Variants in GRID2 observed in about 807,000 individuals in gnomAD.
The protein encoded by GRID2 is glutamate ionotropic receptor delta type subunit 2, also known as glutamate receptor ionotropic, delta-2.
GRID2 carries 33 observed loss-of-function variants against 114.8 expected under a neutral mutation model. The ratio of observed to expected loss-of-function variants is 0.29; its 90% CI spans 0.22 to 0.38. The LOEUF is 0.38. Among genes scored for constraint, GRID2 ranks in the 10% least tolerant of loss-of-function variants. The probability of loss-of-function intolerance (pLI) is 1.00; values close to 1 mark genes in which losing one functional copy is unlikely to be tolerated. For synonymous variants in GRID2, 505 were observed against 449.9 expected (o/e 1.12, Z -1.55); for missense variants, 1,184 against 1,257.7 (o/e 0.94, Z 0.89).
At chr4:92,707,210 A>T (rs1051515036) in intron 2 of GRID2, among the ~76,000 whole-genome samples, 1 of 152,176 alleles carries the variant, frequency 6.6e-6, no homozygotes, top group African/African-American at 2.4e-5. Flanking sequence ...GAAATTTGAA[A>T]TTATTGATTT....
At chr4:93,271,783 C>T (rs559442454) in intron 8 of GRID2, among the ~76,000 whole-genome samples, 24 of 151,830 alleles carry the variant, frequency 1.6e-4, no homozygotes, top group African/African-American at 5.3e-4. Context: ...TTTTATTGTA[C>T]TTTATGAATG....
intron 2 of GRID2, among the ~76,000 whole-genome samples, chr4:92,900,059 T>C (rs2149479224): frequency 6.6e-6 from 1 of 151,992 alleles, no homozygotes; most frequent in African/African-American, 2.4e-5. Flanking sequence ...GGGTAAATAG[T>C]GAAAATAGCA....
At chr4:93,132,895 A>G (rs773232834) in intron 4 of GRID2, among the ~76,000 whole-genome samples, 1 of 152,192 alleles carries the variant, frequency 6.6e-6, no homozygotes, top group Non-Finnish European at 1.5e-5. Flanking sequence ...TGGAACGCTT[A>G]CTTTTTAAAA....
chr4:93,311,065 G>A (rs888192443), intron 8 of GRID2, among the ~76,000 whole-genome samples: 1 of 152,134 alleles, frequency 6.6e-6, no homozygotes, highest in Non-Finnish European at 1.5e-5. Context: ...TTATCATAAA[G>A]ATCTGGAGAT....
At position 93,781,556 on chromosome 4, in the gene GRID2, G is replaced by A. The variant is rs180881391; in HGVS notation, c.221+12106G>A. Among the ~76,000 whole-genome samples, 52 of 152,228 alleles carry A rather than the reference G, an allele frequency of 3.4e-4. 1 individual carries two copies. The highest frequency in any genetic ancestry group is 1.1e-3 in the African/African-American group (44 of 41,538). On this transcript the variant is annotated intron_variant, in intron 1 of 1. Transcript: ENST00000637838. ...TTCCCTCAGTGTCAGTCGGGGGTTG[G>A]TTCCAGGACCCCCCTCAGATACCAG...
chr4:93,175,438 T>A (rs1013955777), intron 4 of GRID2, among the ~76,000 whole-genome samples: 5 of 152,104 alleles, frequency 3.3e-5, no homozygotes, highest in Non-Finnish European at 7.4e-5. Context: ...TCCAAAGTGC[T>A]GGGATTACAG....
chr4:92,847,575 A>T (rs1482229472), intron 2 of GRID2, among the ~76,000 whole-genome samples: 2 of 152,054 alleles, frequency 1.3e-5, no homozygotes, highest in South Asian at 4.1e-4. Flanking sequence ...TTGATAACAT[A>T]AAGAGATGTC....
intron 2 of GRID2, among the ~76,000 whole-genome samples, chr4:92,948,795 C>T (rs576447802): frequency 1.8e-4 from 28 of 152,032 alleles, no homozygotes; most frequent in African/African-American, 6.3e-4. Context: ...TCTCTGAGAA[C>T]ACAGAGATAT....
chr4:93,200,393 C>T (rs1741949245), intron 4 of GRID2, among the ~76,000 whole-genome samples: 1 of 151,850 alleles, frequency 6.6e-6, no homozygotes, highest in Non-Finnish European at 1.5e-5. Flanking sequence ...GGTGAAACCC[C>T]GTCTCTACTA....
intron 2 of GRID2, among the ~76,000 whole-genome samples, chr4:93,026,895 C>G (rs543567337): frequency 1.3e-5 from 2 of 151,930 alleles, no homozygotes; most frequent in Non-Finnish European, 2.9e-5. Flanking sequence ...TGATAATGGC[C>G]TGAAAAACTG....
Position 93,278,368 on chromosome 4 carries a change from A to G in GRID2, c.1245+39878A>G, listed in dbSNP as rs190430744. On this transcript the variant is annotated intron_variant, in intron 8 of 15. Transcript: ENST00000282020. ...ACTGGCGCTTGAAGGCAAAGACTGA[A>G]GTAGTGGTATGGGTTTGAGAGATAG... Among the ~76,000 whole-genome samples, 57 of 152,022 alleles carry G rather than the reference A, an allele frequency of 3.7e-4. No homozygotes were observed. The East Asian group carries it at 0.01, about 27-fold the overall frequency.
intron 8 of GRID2, among the ~76,000 whole-genome samples, chr4:93,254,491 T>C (rs1242060070): frequency 6.6e-6 from 1 of 152,130 alleles, no homozygotes; most frequent in East Asian, 1.9e-4. Context: ...TATGGGGAGT[T>C]TTATTGCTCT....
At chr4:92,956,692 A>G (rs1476669270) in intron 2 of GRID2, among the ~76,000 whole-genome samples, 1 of 152,164 alleles carries the variant, frequency 6.6e-6, no homozygotes, top group Non-Finnish European at 1.5e-5. Flanking sequence ...GTATGGCTGG[A>G]TCCTACGGTA....
chr4:92,458,356 C>T (rs1285589057), intron 1 of GRID2, among the ~76,000 whole-genome samples: 1 of 152,104 alleles, frequency 6.6e-6, no homozygotes, highest in African/African-American at 2.4e-5. Flanking sequence ...AAGTCTGTGA[C>T]CTTTGTCATT....
intron 8 of GRID2, among the ~76,000 whole-genome samples, chr4:93,379,906 C>A (rs1315068311): frequency 6.6e-6 from 1 of 151,946 alleles, no homozygotes; most frequent in Non-Finnish European, 1.5e-5. Context: ...GATTTGGATC[C>A]CATAAAACTA....
intron 1 of GRID2, among the ~76,000 whole-genome samples, chr4:92,577,311 G>A: frequency 6.6e-6 from 1 of 152,158 alleles, no homozygotes; most frequent in East Asian, 1.9e-4. Flanking sequence ...ACCTGTCACT[G>A]GCTGTGGGTT....
At chr4:93,671,138 G>T (rs1724374464) in intron 14 of GRID2, among the ~76,000 whole-genome samples, 1 of 152,168 alleles carries the variant, frequency 6.6e-6, no homozygotes, top group Non-Finnish European at 1.5e-5. Context: ...TGCTGGAAAA[G>T]GGTCTGACAG....
chr4:93,454,808 G>A (rs1187004816), intron 10 of GRID2, among the ~76,000 whole-genome samples: 1 of 151,994 alleles, frequency 6.6e-6, no homozygotes, highest in Non-Finnish European at 1.5e-5. Flanking sequence ...TTGTTTGTCT[G>A]GAAGGGTCAT....
In GRID2 at chr4:93,612,516, A is replaced by G. The variant is rs1741059581; in HGVS notation, c.2194-13753A>G. Among the ~76,000 whole-genome samples, 39 of 113,928 alleles carry G rather than the reference A, an allele frequency of 3.4e-4. 2 individuals are homozygous for G. The South Asian group carries it at 0.013, about 39-fold the overall frequency. 74.7% of individuals were successfully genotyped at this position (113,928 alleles called of 152,430 possible). ...TTTTAGGGCAGGCCTGGTGGTGACA[A>G]AATCTCTCAGCATTTGCTTGTCTAT... On this transcript the variant is annotated intron_variant, in intron 13 of 15. Coordinates refer to ENST00000282020, the MANE Select transcript of GRID2 (RefSeq NM_001510.4).
Sources: gnomAD v4.1 joint callset for allele counts (sites outside exome capture counted in the v4.1 genomes callset) on GRCh38, gnomAD v4.1.1 for gene constraint, MANE v1.5 for transcripts, NCBI Gene and HGNC (gene_info 2026-07-23, HGNC 2026-07-21) for gene names.